The following ZFYVE1 variants were observed in gnomAD, a reference collection of about 807,000 sequenced individuals.
ZFYVE1 encodes the protein zinc finger FYVE-type containing 1, also known as zinc finger FYVE domain-containing protein 1.
In ZFYVE1, 30 loss-of-function variants were observed where a neutral mutation model predicts 74.4. The ratio of observed to expected loss-of-function variants is 0.40; its 90% CI spans 0.30 to 0.55. The LOEUF is 0.55. Among genes scored for constraint, ZFYVE1 ranks in the 20% least tolerant of loss-of-function variants. The pLI is 0.42. For missense variants in ZFYVE1, 703 were observed against 1,011.6 expected (o/e 0.69, Z 4.14); for synonymous variants, 335 against 385.1 (o/e 0.87, Z 1.52).
chr14:72,972,077 C>T (rs1893048543), intron 11 of ZFYVE1, among the ~76,000 whole-genome samples: 1 of 152,148 alleles, frequency 6.6e-6, no homozygotes, highest in Non-Finnish European at 1.5e-5. Flanking sequence ...CAAAAATTAG[C>T]CGGGCGTGGT....
At chr14:72,979,123 C>T in intron 5 of ZFYVE1, 154 bp from the exon 6 acceptor site, 1 of 651,420 alleles carries the variant, frequency 1.5e-6, no homozygotes, top group Non-Finnish European at 2.8e-6. Context: ...TAGCCGGAAA[C>T]CCACATGCCT....
chr14:72,975,548 T>A lies in ZFYVE1; in HGVS notation c.1806+3A>T. On this transcript the variant is annotated splice_donor_region_variant and intron_variant, in intron 9 of 11. Coordinates refer to ENST00000556143, the MANE Select transcript of ZFYVE1 (RefSeq NM_021260.4). The surrounding 1 kb of genome is among the most constrained non-coding windows in gnomAD (Gnocchi z 4.1). The stretch of plus-strand genomic sequence containing the variant: ...AGTGGAGGGGCATCCTGGCACACCA[T>A]ACCAGAATCTGGGAGTTGGGCCTCC... The A allele has an allele frequency of 6.2e-7, 1 of 1,610,958 alleles. No individual in the cohort carries two copies. The highest frequency in any genetic ancestry group is 8.5e-7 in the Non-Finnish European group (1 of 1,178,460).
intron 4 of ZFYVE1, among the ~76,000 whole-genome samples, chr14:72,988,736 G>A (rs1893541042): frequency 6.7e-6 from 1 of 149,018 alleles, no homozygotes; most frequent in African/African-American, 2.5e-5. Flanking sequence ...GAACCTGGGA[G>A]TCAGAGGTTT....
chr14:72,981,713 C>A, intron 5 of ZFYVE1, 76 bp downstream of exon 5: 1 of 1,397,498 alleles, frequency 7.2e-7, no homozygotes, highest in South Asian at 1.2e-5. Context: ...GCATCCACAC[C>A]AAAGTCTAGG....
At chr14:72,989,490 C>G (rs565211667) in intron 4 of ZFYVE1, among the ~76,000 whole-genome samples, 1 of 152,292 alleles carries the variant, frequency 6.6e-6, no homozygotes, top group South Asian at 2.1e-4. Flanking sequence ...GGACTTAAGT[C>G]TCATACATTC....
chr14:73,015,405 G>GGGGGGAAGGAAGAGGGGAAGGAA (rs1894180405), intron 2 of ZFYVE1, among the ~76,000 whole-genome samples: 2 of 246 alleles, frequency 8.1e-3, no homozygotes, highest in Admixed American at 0.033. Flanking sequence ...GGGAAGGAAG[G>GGGGGGAAGGAAGAGGGGAAGGAA]GGGGGGAAGG....
At chr14:72,986,584 CAG>C (rs1410484011) in intron 4 of ZFYVE1, among the ~76,000 whole-genome samples, 1 of 126,268 alleles carries the variant, frequency 7.9e-6, no homozygotes. Context: ...TTTTTTGAGA[CAG>C]AGTCTCGCTC....
intron 2 of ZFYVE1, among the ~76,000 whole-genome samples, chr14:73,004,678 G>A (rs1198664063): frequency 2.0e-5 from 3 of 151,886 alleles, no homozygotes; most frequent in Admixed American, 6.6e-5. Context: ...ATCCCTTAAC[G>A]TGCACCGACT....
At chr14:73,018,388 G>A (rs61986548) in intron 2 of ZFYVE1, among the ~76,000 whole-genome samples, 8,500 of 134,794 alleles carry the variant, frequency 0.063, 323 homozygotes, top group Non-Finnish European at 0.091. Context: ...GTGAGATTGC[G>A]CCACTGCGCT....
At position 72,986,065 on chromosome 14, in the gene ZFYVE1, T is replaced by C. The variant is rs185041034; in HGVS notation, c.1204-4170A>G. 3.1e-4 allele frequency among the ~76,000 whole-genome samples: 47 copies of C among 152,298 alleles called. No homozygotes were observed. The East Asian group carries it at 8.1e-3, about 26-fold the overall frequency. Reference sequence around the variant, plus strand: ...ACAGAGGATGCCAACTCCCAGTAAATGGGAAATTAGGATCCAATACAGCGT... The same window carrying C: ...ACAGAGGATGCCAACTCCCAGTAAACGGGAAATTAGGATCCAATACAGCGT... On this transcript the variant is annotated intron_variant, in intron 4 of 11. Transcript: ENST00000556143.
chr14:73,018,804 C>T (rs1013798670), intron 2 of ZFYVE1, among the ~76,000 whole-genome samples: 1 of 151,870 alleles, frequency 6.6e-6, no homozygotes, highest in African/African-American at 2.4e-5. Flanking sequence ...ACTAGCCAGG[C>T]GTGGTGGCGC....
chr14:73,025,075 T>TTC (rs67430415), intron 1 of ZFYVE1, 133 bp from the exon 2 acceptor site: 2,503 of 111,320 alleles, frequency 0.022, 56 homozygotes, highest in South Asian at 0.068. Flanking sequence ...TTTTTTCTTT[T>TTC]TTTTTTTTTT....
intron 4 of ZFYVE1, among the ~76,000 whole-genome samples, chr14:72,989,161 C>T (rs769623824): frequency 3.9e-5 from 6 of 152,124 alleles, no homozygotes; most frequent in South Asian, 2.1e-4. Context: ...CTCCTGACCT[C>T]GTGATCTGCC....
At chr14:72,976,374 T>C (rs1893170397) in intron 8 of ZFYVE1, among the ~76,000 whole-genome samples, 1 of 152,158 alleles carries the variant, frequency 6.6e-6, no homozygotes, top group Non-Finnish European at 1.5e-5. Flanking sequence ...AAGGCCACGT[T>C]AAATCCTTGG....
intron 2 of ZFYVE1, among the ~76,000 whole-genome samples, chr14:73,019,004 T>C (rs113563565): frequency 6.1e-4 from 93 of 152,020 alleles, no homozygotes; most frequent in African/African-American, 2.0e-3. Flanking sequence ...AATTAATGGA[T>C]GTCTTTGGCT....
At chr14:73,012,154 G>A (rs1406017946) in intron 2 of ZFYVE1, among the ~76,000 whole-genome samples, 1 of 152,100 alleles carries the variant, frequency 6.6e-6, no homozygotes, top group Non-Finnish European at 1.5e-5. Context: ...GAAGCAAAGG[G>A]AAAGGTAGGG....
At chr14:72,976,705 C>T (rs1893179361) in intron 8 of ZFYVE1, among the ~76,000 whole-genome samples, 2 of 151,388 alleles carry the variant, frequency 1.3e-5, no homozygotes, top group South Asian at 4.2e-4. Flanking sequence ...ATTGCTTGAA[C>T]CCAGGAGGTG....
chr14:73,022,526 T>C (rs1048424035), intron 2 of ZFYVE1, among the ~76,000 whole-genome samples: 2 of 152,122 alleles, frequency 1.3e-5, no homozygotes, highest in African/African-American at 4.8e-5. Flanking sequence ...GTGATAAAAA[T>C]CATTTAAGCT....
chr14:72,972,463 C>T (rs1893058669), intron 11 of ZFYVE1, among the ~76,000 whole-genome samples: 2 of 152,322 alleles, frequency 1.3e-5, no homozygotes, highest in Admixed American at 1.3e-4. Flanking sequence ...GAGATTTAAG[C>T]TTGGGCAAAT....
Sources: gnomAD v4.1 joint callset for allele counts (sites outside exome capture counted in the v4.1 genomes callset) on GRCh38, gnomAD v4.1.1 for gene constraint, Gnocchi (gnomAD v3.1) non-coding constraint, MANE v1.5 for transcripts, NCBI Gene and HGNC (gene_info 2026-07-23, HGNC 2026-07-21) for gene names.